GRM1: variants seen among roughly 807,000 people sequenced by gnomAD.
The protein encoded by GRM1 is glutamate metabotropic receptor 1.
Under a neutral mutation model 90.9 loss-of-function variants are expected in GRM1, and 33 were observed. That is an observed-to-expected ratio of 0.36 (90% CI 0.28 to 0.49). The LOEUF (loss-of-function observed/expected upper bound fraction) is 0.49, where lower values mean the gene tolerates loss of function less well. GRM1 is among the 20% of genes least tolerant of loss of function. GRM1 has a pLI of 0.99. For missense variants in GRM1, 1,190 were observed against 1,534.3 expected, an observed-to-expected ratio of 0.78 and a Z score of 3.75; for synonymous variants, 700 against 613.2, an observed-to-expected ratio of 1.14 and a Z score of -2.09.
chr6:146,198,448 G>A (rs1257511932), intron 2 of GRM1, among the ~76,000 whole-genome samples: 4 of 152,146 alleles, frequency 2.6e-5, no homozygotes, highest in Admixed American at 2.6e-4. Flanking sequence ...TCGGCTAGAG[G>A]TGGGGGAAAG....
At chr6:146,295,196 C>A (rs559205368) in intron 2 of GRM1, among the ~76,000 whole-genome samples, 1 of 151,948 alleles carries the variant, frequency 6.6e-6, no homozygotes, top group Non-Finnish European at 1.5e-5. Context: ...GGCCATTTTT[C>A]TGAGAATAGT....
rs770938828 is a variant in GRM1, at chr6:146,203,054, C to T, written c.950+43457C>T. Reference sequence around the variant, plus strand: ...CTAAAAATACAAAAAATTAGCCGGGCGTGGTGCCGGGCGCCTGTAGTCCCA... The same window carrying T: ...CTAAAAATACAAAAAATTAGCCGGGTGTGGTGCCGGGCGCCTGTAGTCCCA... On this transcript the variant is annotated intron_variant, in intron 2 of 7. Coordinates refer to ENST00000282753, the MANE Select transcript of GRM1 (RefSeq NM_001278064.2). 7.2e-4 allele frequency among the ~76,000 whole-genome samples: 109 copies of T among 151,894 alleles called. 2 individuals carry two copies. In the Middle Eastern group the frequency reaches 0.031, roughly 43 times the overall value.
At chr6:146,338,392 T>G (rs1411084965) in intron 3 of GRM1, among the ~76,000 whole-genome samples, 5 of 152,220 alleles carry the variant, frequency 3.3e-5, no homozygotes, top group African/African-American at 1.2e-4. Flanking sequence ...TTATCCCGTT[T>G]GAATTCTGAA....
intron 1 of GRM1, among the ~76,000 whole-genome samples, chr6:146,138,807 CTTTGT>C (rs776124937): frequency 6.6e-6 from 1 of 151,472 alleles, no homozygotes; most frequent in Non-Finnish European, 1.5e-5. Context: ...GTATTGTTTC[CTTTGT>C]TTTAATTTCA....
chr6:146,089,970 T>A (rs756254869), intron 1 of GRM1, among the ~76,000 whole-genome samples: 65 of 152,006 alleles, frequency 4.3e-4, no homozygotes, highest in Non-Finnish European at 8.2e-4. Context: ...ATTTTTTATG[T>A]CTTTTTTTAT....
At chr6:146,395,885 A>T (rs933966315) in intron 6 of GRM1, among the ~76,000 whole-genome samples, 18 of 152,298 alleles carry the variant, frequency 1.2e-4, no homozygotes, top group Non-Finnish European at 1.9e-4. Context: ...CTTGACAAAA[A>T]TCATCTTTGA....
intron 3 of GRM1, among the ~76,000 whole-genome samples, chr6:146,334,837 T>G (rs1784712716): frequency 6.6e-6 from 1 of 152,092 alleles, no homozygotes; most frequent in Non-Finnish European, 1.5e-5. Context: ...TAAATCACCA[T>G]AAGCTTGAGG....
intron 2 of GRM1, among the ~76,000 whole-genome samples, chr6:146,213,164 A>G (rs1779737583): frequency 6.6e-6 from 1 of 152,050 alleles, no homozygotes; most frequent in Admixed American, 6.6e-5. Flanking sequence ...GCAGGAGGGA[A>G]TGGAAAGGGC....
intron 5 of GRM1, among the ~76,000 whole-genome samples, chr6:146,378,538 C>A (rs1776197394): frequency 6.6e-6 from 1 of 152,122 alleles, no homozygotes; most frequent in South Asian, 2.1e-4. Context: ...TTGGATGGGG[C>A]CTGTAGCCCT....
chr6:146,306,655 G>A (rs1783589562), intron 3 of GRM1, among the ~76,000 whole-genome samples: 2 of 152,090 alleles, frequency 1.3e-5, no homozygotes, highest in Admixed American at 6.6e-5. Context: ...ATTCAGGGTA[G>A]GGAGTTTTGC....
intron 1 of GRM1, among the ~76,000 whole-genome samples, chr6:146,111,028 A>G (rs1334711314): frequency 6.6e-6 from 1 of 152,226 alleles, no homozygotes; most frequent in Non-Finnish European, 1.5e-5. Context: ...GAGTCCATAC[A>G]CAGCTGGCTG....
At chr6:146,164,728 T>C (rs1011949592) in intron 2 of GRM1, among the ~76,000 whole-genome samples, 2 of 152,086 alleles carry the variant, frequency 1.3e-5, no homozygotes, top group Admixed American at 6.6e-5. Flanking sequence ...CACTATTCTT[T>C]CAGGGTGAGT....
intron 2 of GRM1, among the ~76,000 whole-genome samples, chr6:146,262,014 G>T (rs1417612876): frequency 6.7e-6 from 1 of 149,834 alleles, no homozygotes; most frequent in Non-Finnish European, 1.5e-5. Flanking sequence ...AATTTAAAGA[G>T]AGGCACCTGG....
At chr6:146,361,000 A>G (rs1196632687) in intron 5 of GRM1, among the ~76,000 whole-genome samples, 1 of 152,226 alleles carries the variant, frequency 6.6e-6, no homozygotes, top group African/African-American at 2.4e-5. Flanking sequence ...GAGAGGAATG[A>G]AAGTGTTCAC....
intron 1 of GRM1, among the ~76,000 whole-genome samples, chr6:146,041,717 C>T (rs574528670): frequency 4.5e-4 from 68 of 152,086 alleles, no homozygotes; most frequent in Non-Finnish European, 4.7e-4. Context: ...CAAGGATCTT[C>T]ACAGCCTCAG....
intron 2 of GRM1, among the ~76,000 whole-genome samples, chr6:146,298,302 G>C (rs1292508929): frequency 6.6e-6 from 1 of 151,986 alleles, no homozygotes; most frequent in East Asian, 1.9e-4. Context: ...ATTGTGCATA[G>C]CTCTTGCTTC....
intron 2 of GRM1, among the ~76,000 whole-genome samples, chr6:146,201,528 A>G (rs536705856): frequency 6.6e-6 from 1 of 152,186 alleles, no homozygotes; most frequent in Non-Finnish European, 1.5e-5. Context: ...CATAGCAGAG[A>G]CAGAGATCAT....
intron 7 of GRM1, among the ~76,000 whole-genome samples, chr6:146,416,584 A>G (rs548178598): frequency 6.6e-6 from 1 of 152,238 alleles, no homozygotes; most frequent in East Asian, 1.9e-4. Flanking sequence ...TTATATTATT[A>G]TTAATGTGAT....
At chr6:146,284,353 T>A (rs1467624521) in intron 2 of GRM1, among the ~76,000 whole-genome samples, 1 of 152,226 alleles carries the variant, frequency 6.6e-6, no homozygotes, top group East Asian at 1.9e-4. Context: ...GGTTGTTTTG[T>A]AATCTACATA....
Sources: gnomAD v4.1 joint callset for allele counts (sites outside exome capture counted in the v4.1 genomes callset) on GRCh38, gnomAD v4.1.1 for gene constraint, MANE v1.5 for transcripts, NCBI Gene and HGNC (gene_info 2026-07-23, HGNC 2026-07-21) for gene names.